TESK2: variants seen among roughly 807,000 people sequenced by gnomAD.
The protein encoded by TESK2 is dual specificity testis-specific protein kinase 2.
Under a neutral mutation model 57.1 loss-of-function variants are expected in TESK2, and 39 were observed. The observed-to-expected ratio is 0.68, with a 90% confidence interval of 0.53 to 0.89. The LOEUF is 0.89. Among genes scored for constraint, TESK2 ranks in the 40% least tolerant of loss-of-function variants. The pLI, the probability that TESK2 is intolerant of heterozygous loss-of-function variation, is 0.00. For missense variants in TESK2, 646 were observed against 732.1 expected (o/e 0.88, Z 1.36); for synonymous variants, 249 against 267.9 (o/e 0.93, Z 0.69).
chr1:45,418,928 A>T (rs1036297478), intron 3 of TESK2, among the ~76,000 whole-genome samples: 6 of 151,666 alleles, frequency 4.0e-5, no homozygotes, highest in African/African-American at 1.2e-4. Context: ...AAAGTAATTT[A>T]AAAAAAAATT....
chr1:45,382,678 C>G (rs1401056357), intron 4 of TESK2, among the ~76,000 whole-genome samples: 1 of 152,172 alleles, frequency 6.6e-6, no homozygotes, highest in Non-Finnish European at 1.5e-5. Context: ...CAAGACCAGC[C>G]TGACCAACAT....
intron 2 of TESK2, among the ~76,000 whole-genome samples, chr1:45,445,211 CCCAA>C (rs899894947): frequency 1.1e-4 from 17 of 152,018 alleles, no homozygotes; most frequent in African/African-American, 4.1e-4. Context: ...TCAACCTTGA[CCCAA>C]CCAATCAGCA....
At chr1:45,486,782 T>TACAC (rs71052887) in intron 1 of TESK2, among the ~76,000 whole-genome samples, 3,742 of 115,834 alleles carry the variant, frequency 0.032, 91 homozygotes, top group Middle Eastern at 0.048. Flanking sequence ...CCTCCCAGCA[T>TACAC]ACACACACAC....
chr1:45,354,816 ATATATATATATATATATATATAT>A (rs1429651671), intron 5 of TESK2, among the ~76,000 whole-genome samples: 2 of 14,864 alleles, frequency 1.3e-4, no homozygotes, highest in African/African-American at 8.6e-4. Flanking sequence ...AAAAAAAAAA[ATATATATATATATATATATATAT>A]ATATATATAT....
intron 2 of TESK2, among the ~76,000 whole-genome samples, chr1:45,452,537 C>A (rs1262439049): frequency 6.6e-6 from 1 of 152,056 alleles, no homozygotes; most frequent in Admixed American, 6.6e-5. Context: ...AATGAATTAA[C>A]AAGTCAGGAA....
rs1170732475 is a variant in TESK2, at chr1:45,436,181, C to CTTTTTT, written c.223-14341_223-14336dup. ...CTGTGAAAAATGACATTGGTATCTT[C>CTTTTTT]TTTTTTTTTTTTTTTTTTTTTGAGA... On this transcript the variant is annotated intron_variant, in intron 2 of 10. Coordinates refer to ENST00000372086, the MANE Select transcript of TESK2 (RefSeq NM_007170.3). 4.3e-3 allele frequency among the ~76,000 whole-genome samples: 245 copies of CTTTTTT among 56,532 alleles called. 21 individuals are homozygous for CTTTTTT. The highest frequency in any genetic ancestry group is 0.016 in the Middle Eastern group (1 of 62). The allele number at this position is 56,532 out of a possible 152,430, so 37.1% of individuals were successfully genotyped here.
chr1:45,346,856 G>T, intron 8 of TESK2, 77 bp from the exon 9 acceptor site: 2 of 1,538,720 alleles, frequency 1.3e-6, no homozygotes, highest in East Asian at 2.3e-5. Flanking sequence ...AGTAGAAGTG[G>T]TTGGGAGCTG....
At chr1:45,468,797 G>A (rs1487727831) in intron 1 of TESK2, among the ~76,000 whole-genome samples, 1 of 152,174 alleles carries the variant, frequency 6.6e-6, no homozygotes, top group Non-Finnish European at 1.5e-5. Flanking sequence ...GTGGGCAGGT[G>A]CTAGGGAAGC....
At chr1:45,441,704 C>T (rs914787272) in intron 2 of TESK2, among the ~76,000 whole-genome samples, 1 of 151,026 alleles carries the variant, frequency 6.6e-6, no homozygotes, top group African/African-American at 2.4e-5. Flanking sequence ...TTGCAGCCTC[C>T]GCCTCTCAGG....
In TESK2 at chr1:45,457,661, G is replaced by T. The variant is rs778031587; in HGVS notation, c.125C>A (p.Ser42Ter). The T allele has an allele frequency of 2.5e-6, 4 of 1,614,080 alleles. No homozygotes were observed. The highest frequency in any genetic ancestry group is 1.3e-5 in the African/African-American group (1 of 75,014). Residue 42 changes from serine (S) to a stop codon, truncating the protein, a stop_gained, in exon 2 of 11, where the codon TCG becomes TAG. Coordinates refer to ENST00000372086, the MANE Select transcript of TESK2 (RefSeq NM_007170.3). LOFTEE classifies it high-confidence loss of function. The part of the protein sequence containing the change: ...VSQVGRVWPS[S>*]YRALISAFSR... ...AAAGGCACTTATAAGAGCTCGATAC[G>T]AAGATGGCCAAACTCTTCCCACCTG...
At chr1:45,353,001 C>T (rs1009179951) in intron 5 of TESK2, among the ~76,000 whole-genome samples, 1 of 151,998 alleles carries the variant, frequency 6.6e-6, no homozygotes, top group Non-Finnish European at 1.5e-5. Context: ...TGGGTTCAAG[C>T]GATTCTCCCA....
At chr1:45,428,816 A>AT (rs71052876) in intron 2 of TESK2, among the ~76,000 whole-genome samples, 896 of 82,552 alleles carry the variant, frequency 0.011, 132 homozygotes, top group African/African-American at 0.029. Flanking sequence ...TAAATTCCTG[A>AT]TTTTTTTTTT....
At chr1:45,462,360 C>T (rs1189413773) in intron 1 of TESK2, among the ~76,000 whole-genome samples, 3 of 152,168 alleles carry the variant, frequency 2.0e-5, no homozygotes, top group South Asian at 4.1e-4. Context: ...GCAAGCTCCA[C>T]CTCCCAGGTT....
At chr1:45,441,222 G>A (rs949079678) in intron 2 of TESK2, among the ~76,000 whole-genome samples, 4 of 152,180 alleles carry the variant, frequency 2.6e-5, no homozygotes, top group Non-Finnish European at 2.9e-5. Context: ...CCAGGCTGGA[G>A]TGCAATGGCA....
chr1:45,476,321 A>G (rs1482884211), intron 1 of TESK2, among the ~76,000 whole-genome samples: 1 of 152,144 alleles, frequency 6.6e-6, no homozygotes, highest in East Asian at 1.9e-4. Flanking sequence ...CAGCCTGAAC[A>G]ACATGAGGAG....
At chr1:45,372,679 G>A (rs890968217) in intron 4 of TESK2, among the ~76,000 whole-genome samples, 18 of 151,970 alleles carry the variant, frequency 1.2e-4, no homozygotes, top group African/African-American at 3.9e-4. Context: ...AAGAATTTGC[G>A]GCTGTAATGC....
intron 3 of TESK2, among the ~76,000 whole-genome samples, chr1:45,405,696 C>CAT (rs1438427576): frequency 6.7e-6 from 1 of 150,282 alleles, no homozygotes; most frequent in Non-Finnish European, 1.5e-5. Context: ...TATATATCTA[C>CAT]ATATATATAC....
chr1:45,415,186 G>A, intron 3 of TESK2: 1 of 1,519,086 alleles, frequency 6.6e-7, no homozygotes, highest in Non-Finnish European at 9.1e-7. Flanking sequence ...TGCTTTCACA[G>A]AATTATTCCA....
At chr1:45,364,611 G>A (rs1334740248) in intron 4 of TESK2, among the ~76,000 whole-genome samples, 1 of 152,192 alleles carries the variant, frequency 6.6e-6, no homozygotes. Flanking sequence ...CTGCATTTTA[G>A]AAAGATCATT....
Sources: gnomAD v4.1 joint callset for allele counts (sites outside exome capture counted in the v4.1 genomes callset) on GRCh38, gnomAD v4.1.1 for gene constraint, MANE v1.5 for transcripts, NCBI Gene and HGNC (gene_info 2026-07-23, HGNC 2026-07-21) for gene names.